The following SCN11A variants were observed in gnomAD, a reference collection of about 807,000 sequenced individuals.
SCN11A encodes sodium voltage-gated channel alpha subunit 11, also known as sodium channel protein type 11 subunit alpha.
SCN11A carries 122 observed loss-of-function variants against 162.2 expected under a neutral mutation model. The ratio of observed to expected loss-of-function variants is 0.75; its 90% CI spans 0.65 to 0.87. SCN11A has a LOEUF of 0.87. Among genes scored for constraint, SCN11A ranks in the 40% least tolerant of loss-of-function variants. The pLI, the probability that SCN11A is intolerant of heterozygous loss-of-function variation, is 0.00. For missense variants in SCN11A, 2,015 were observed against 2,181.6 expected (o/e 0.92, Z 1.52); for synonymous variants, 758 against 751.5 (o/e 1.01, Z -0.14).
intron 4 of SCN11A, among the ~76,000 whole-genome samples, chr3:38,951,056 TGAG>T (rs1052582685): frequency 2.0e-5 from 3 of 152,222 alleles, no homozygotes; most frequent in African/African-American, 7.2e-5. Context: ...TGGCGGCACT[TGAG>T]GAGCCCTTCA....
At chr3:38,917,238 C>T (rs1440350348) in intron 11 of SCN11A, among the ~76,000 whole-genome samples, 3 of 152,216 alleles carry the variant, frequency 2.0e-5, no homozygotes, top group African/African-American at 7.2e-5. Context: ...TTAGTTCAAC[C>T]ATTGTGGAAA....
At chr3:39,011,493 G>A (rs2031132561) in intron 2 of SCN11A, among the ~76,000 whole-genome samples, 1 of 152,156 alleles carries the variant, frequency 6.6e-6, no homozygotes, top group South Asian at 2.1e-4. Flanking sequence ...TTTATCTGAG[G>A]TCTACGTGCC....
At chr3:38,894,505 C>CT (rs1452361837) in intron 19 of SCN11A, 28 bp downstream of exon 19, 1 of 1,555,862 alleles carries the variant, frequency 6.4e-7, no homozygotes, top group Admixed American at 1.8e-5. Context: ...TTTGTATGAC[C>CT]TTTAAGTCTA....
At chr3:38,940,723 TGA>T (rs1426605094) in intron 7 of SCN11A, among the ~76,000 whole-genome samples, 4 of 152,160 alleles carry the variant, frequency 2.6e-5, no homozygotes, top group South Asian at 2.1e-4. Context: ...TAAGAAAATA[TGA>T]GAGAGTCCTT....
rs562350090 is a variant in SCN11A, at chr3:38,914,760, T to C, written c.960-4553A>G. 1.4e-3 allele frequency among the ~76,000 whole-genome samples: 209 copies of C among 152,126 alleles called. 1 individual carries two copies. Among genetic ancestry groups the C allele is most frequent in the Non-Finnish European group, 2.4e-3 (165 of 67,892 alleles). On this transcript the variant is annotated intron_variant, in intron 11 of 29. Coordinates refer to ENST00000302328, the MANE Select transcript of SCN11A (RefSeq NM_001349253.2). ...TGAAATATTCATGTGTTTTTTTACTTTAGTTCTGATGAATCACATTTATTG... is the reference window on the plus strand; with the variant it reads ...TGAAATATTCATGTGTTTTTTTACTCTAGTTCTGATGAATCACATTTATTG...
At chr3:38,996,489 T>C (rs2030635560) in intron 2 of SCN11A, among the ~76,000 whole-genome samples, 1 of 152,190 alleles carries the variant, frequency 6.6e-6, no homozygotes, top group African/African-American at 2.4e-5. Flanking sequence ...GGAAGCATTT[T>C]TCTAAAGACT....
intron 27 of SCN11A, among the ~76,000 whole-genome samples, chr3:38,865,244 A>G (rs543202236): frequency 6.6e-6 from 1 of 152,348 alleles, no homozygotes; most frequent in South Asian, 2.1e-4. Flanking sequence ...AAAAAGTAAA[A>G]CAAGACAAAA....
At chr3:38,903,778 A>C in intron 16 of SCN11A, 87 bp downstream of exon 16, 1 of 1,003,216 alleles carries the variant, frequency 1.0e-6, no homozygotes, top group Non-Finnish European at 1.4e-6. Context: ...AGGTTAGGTT[A>C]GCTCATTCAC....
At chr3:38,999,281 C>A (rs1209460457) in intron 2 of SCN11A, among the ~76,000 whole-genome samples, 1 of 152,092 alleles carries the variant, frequency 6.6e-6, no homozygotes, top group East Asian at 1.9e-4. Context: ...TAGACGAATT[C>A]TTAGGACAGG....
At chr3:38,851,459 T>C (rs933894999) in intron 28 of SCN11A, among the ~76,000 whole-genome samples, 1 of 152,232 alleles carries the variant, frequency 6.6e-6, no homozygotes, top group African/African-American at 2.4e-5. Context: ...TATATGCTGA[T>C]TGTTCAGGTA....
chr3:39,003,311 T>C (rs2030872429), intron 2 of SCN11A, among the ~76,000 whole-genome samples: 1 of 152,254 alleles, frequency 6.6e-6, no homozygotes, highest in African/African-American at 2.4e-5. Flanking sequence ...ATTAGTTTAC[T>C]AGGTATAATG....
intron 1 of SCN11A, among the ~76,000 whole-genome samples, chr3:39,049,651 C>T (rs1299765045): frequency 1.3e-5 from 2 of 152,172 alleles, no homozygotes; most frequent in South Asian, 4.1e-4. Flanking sequence ...AATCCTGTTG[C>T]CATTGCCATT....
intron 2 of SCN11A, among the ~76,000 whole-genome samples, chr3:39,018,836 A>C (rs906559121): frequency 2.6e-5 from 4 of 152,140 alleles, no homozygotes; most frequent in African/African-American, 7.2e-5. Flanking sequence ...ATAAATAAAT[A>C]AATAAATCAT....
At chr3:38,933,943 T>G (rs1173665710) in intron 7 of SCN11A, among the ~76,000 whole-genome samples, 1 of 151,972 alleles carries the variant, frequency 6.6e-6, no homozygotes, top group African/African-American at 2.4e-5. Flanking sequence ...AAAGTTGAAA[T>G]GAAGGAAAAA....
chr3:38,983,528 A>G (rs1210991916), intron 2 of SCN11A, among the ~76,000 whole-genome samples: 3 of 152,206 alleles, frequency 2.0e-5, no homozygotes, highest in African/African-American at 7.2e-5. Flanking sequence ...TGAAACCCTC[A>G]AGACAAACAA....
At chr3:38,915,650 G>T (rs1262130087) in intron 11 of SCN11A, among the ~76,000 whole-genome samples, 1 of 151,996 alleles carries the variant, frequency 6.6e-6, no homozygotes, top group African/African-American at 2.4e-5. Flanking sequence ...TTTTTATTGT[G>T]CTGTGGTCCG....
chr3:39,007,947 GC>G (rs1222150313), intron 2 of SCN11A, among the ~76,000 whole-genome samples: 2 of 152,192 alleles, frequency 1.3e-5, no homozygotes, highest in African/African-American at 4.8e-5. Context: ...ATGGGACTGA[GC>G]CCTTAATCTA....
intron 2 of SCN11A, among the ~76,000 whole-genome samples, chr3:38,995,188 T>C (rs1453638220): frequency 6.6e-6 from 1 of 151,758 alleles, no homozygotes; most frequent in Admixed American, 6.6e-5. Flanking sequence ...TGGAGTGCAG[T>C]GGCGCGATCT....
At chr3:38,935,192 C>A (rs951880892) in intron 7 of SCN11A, among the ~76,000 whole-genome samples, 3 of 152,032 alleles carry the variant, frequency 2.0e-5, no homozygotes, top group Non-Finnish European at 4.4e-5. Context: ...AGAGCAGACA[C>A]AACACACCAG....
Sources: gnomAD v4.1 joint callset for allele counts (sites outside exome capture counted in the v4.1 genomes callset) on GRCh38, gnomAD v4.1.1 for gene constraint, MANE v1.5 for transcripts, NCBI Gene and HGNC (gene_info 2026-07-23, HGNC 2026-07-21) for gene names.